The following PEAK1 variants were observed in gnomAD, a reference collection of about 807,000 sequenced individuals.
PEAK1 encodes inactive tyrosine-protein kinase PEAK1.
In PEAK1, 54 loss-of-function variants were observed where a neutral mutation model predicts 124.7. The ratio of observed to expected loss-of-function variants is 0.43; its 90% confidence interval spans 0.35 to 0.54. The LOEUF (loss-of-function observed/expected upper bound fraction) is 0.54, where lower values mean the gene tolerates loss of function less well. Ranked by LOEUF, PEAK1 falls within the 20% of genes least tolerant of loss-of-function variation. The probability of loss-of-function intolerance (pLI) is 0.01; values close to 1 mark genes in which losing one functional copy is unlikely to be tolerated. For synonymous variants in PEAK1, 719 were observed against 760.0 expected (o/e 0.95, Z 0.89); for missense variants, 2,046 against 2,134.5 (o/e 0.96, Z 0.82).
rs923932690 is a variant in PEAK1, at chr15:77,344,812, G to A, written c.-603+20351C>T. 7.2e-5 allele frequency among the ~76,000 whole-genome samples: 11 copies of A among 152,106 alleles called. No homozygotes were observed. The East Asian group carries it at 1.9e-3, about 27-fold the overall frequency. ...CATAAGTGTTTTATTCTTTTTGATAGAATTGTTTTCTTCATTTCGAAACCA... is the reference window on the plus strand; with the variant it reads ...CATAAGTGTTTTATTCTTTTTGATAAAATTGTTTTCTTCATTTCGAAACCA... On this transcript the variant is annotated intron_variant, in intron 2 of 9. Coordinates refer to ENST00000682557, the MANE Select transcript of PEAK1 (RefSeq NM_001385026.1).
At chr15:77,161,791 C>A (rs1013204281) in intron 7 of PEAK1, among the ~76,000 whole-genome samples, 1 of 151,804 alleles carries the variant, frequency 6.6e-6, no homozygotes, top group Non-Finnish European at 1.5e-5. Flanking sequence ...GATGGTGAAA[C>A]CCCGTCTCTA....
chr15:77,217,123 G>A (rs2059181497), intron 6 of PEAK1, among the ~76,000 whole-genome samples: 1 of 150,874 alleles, frequency 6.6e-6, no homozygotes, highest in Non-Finnish European at 1.5e-5. Context: ...TAGCTGCTCA[G>A]GAGGCTGAGG....
chr15:77,411,441 G>A (rs1028465220), intron 1 of PEAK1, among the ~76,000 whole-genome samples: 1 of 152,170 alleles, frequency 6.6e-6, no homozygotes, highest in Non-Finnish European at 1.5e-5. Context: ...CGAAACTAAT[G>A]TTAACATATG....
chr15:77,254,502 G>A (rs969066228), intron 5 of PEAK1, among the ~76,000 whole-genome samples: 8 of 151,970 alleles, frequency 5.3e-5, no homozygotes, highest in African/African-American at 1.2e-4. Flanking sequence ...GCATGATCAC[G>A]GCTCACTGCA....
chr15:77,336,270 C>G (rs528362961), intron 2 of PEAK1: 1 of 985,410 alleles, frequency 1.0e-6, no homozygotes, highest in East Asian at 1.1e-4. Flanking sequence ...TCATTTACAT[C>G]TTGCAGAACT....
At chr15:77,350,150 C>T (rs192443744) in intron 2 of PEAK1, 37 of 985,384 alleles carry the variant, frequency 3.8e-5, no homozygotes, top group Non-Finnish European at 4.0e-5. Flanking sequence ...AAAATGCATG[C>T]ACAAAAGTAA....
intron 5 of PEAK1, among the ~76,000 whole-genome samples, chr15:77,270,061 T>C (rs551377626): frequency 6.6e-6 from 1 of 152,284 alleles, no homozygotes; most frequent in Non-Finnish European, 1.5e-5. Context: ...TCTGTTCTTT[T>C]GAGGAGTGCT....
chr15:77,348,117 A>G (rs1329065421), intron 2 of PEAK1: 2 of 984,880 alleles, frequency 2.0e-6, no homozygotes, highest in African/African-American at 3.5e-5. Context: ...AGAAACAACA[A>G]TGGAGATCAA....
intron 2 of PEAK1, among the ~76,000 whole-genome samples, chr15:77,286,975 T>C (rs532232991): frequency 2.6e-5 from 4 of 152,318 alleles, no homozygotes; most frequent in African/African-American, 9.6e-5. Context: ...AATGTGTACA[T>C]ATGCATCATA....
chr15:77,273,148 C>T (rs1023293419), intron 5 of PEAK1, among the ~76,000 whole-genome samples: 6 of 152,162 alleles, frequency 3.9e-5, no homozygotes, highest in Admixed American at 6.6e-5. Context: ...GACAAGCCCA[C>T]AGCTAACACT....
In PEAK1 at chr15:77,112,256, A is replaced by G. The variant is rs1017804694; in HGVS notation, c.*1900T>C. 7 of 152,270 alleles carry G rather than the reference A, an allele frequency of 4.6e-5. No individual in the cohort carries two copies. The highest frequency in any genetic ancestry group is 1.7e-4 in the African/African-American group (7 of 41,470). The allele number at this position is 152,270 out of a possible 1,614,324, so 9.4% of individuals were successfully genotyped here. The stretch of plus-strand genomic sequence containing the variant: ...ATTACAATCACTTAAAAAAGTAATA[A>G]GAGCACAATAAAATACATTATTTTC... On this transcript the variant is annotated 3_prime_UTR_variant, in exon 10 of 10. Transcript: ENST00000682557.
chr15:77,390,179 C>T (rs1013594200), intron 1 of PEAK1, among the ~76,000 whole-genome samples: 3 of 152,068 alleles, frequency 2.0e-5, no homozygotes, highest in African/African-American at 7.2e-5. Context: ...TATGTGCTGA[C>T]AGTAAGATAC....
intron 2 of PEAK1, among the ~76,000 whole-genome samples, chr15:77,325,445 AT>A (rs1346493473): frequency 2.6e-5 from 4 of 151,316 alleles, no homozygotes; most frequent in African/African-American, 9.7e-5. Context: ...AAATAAATAA[AT>A]AAATAAAATA....
chr15:77,371,858 CG>C (rs1421710086), intron 1 of PEAK1, among the ~76,000 whole-genome samples: 1 of 152,162 alleles, frequency 6.6e-6, no homozygotes, highest in Non-Finnish European at 1.5e-5. Flanking sequence ...CGCTCCAACC[CG>C]GGAGACAGAG....
At chr15:77,420,679 G>T (rs2073295860), upstream of PEAK1, 2 of 389,486 alleles carry the variant, frequency 5.1e-6, no homozygotes, top group Non-Finnish European at 9.0e-6. Context: ...GGCTCACCTT[G>T]CGTAACCACG....
intron 8 of PEAK1, among the ~76,000 whole-genome samples, chr15:77,154,794 A>G (rs1221182069): frequency 6.6e-6 from 1 of 151,854 alleles, no homozygotes; most frequent in Non-Finnish European, 1.5e-5. Flanking sequence ...TCTTTTCTTT[A>G]AGAATGTTGA....
chr15:77,385,776 A>G (rs1444699976), intron 1 of PEAK1, among the ~76,000 whole-genome samples: 5 of 152,200 alleles, frequency 3.3e-5, no homozygotes, highest in African/African-American at 1.2e-4. Context: ...TAAGAGAGGC[A>G]CTTATTTAGA....
intron 2 of PEAK1, among the ~76,000 whole-genome samples, chr15:77,314,779 T>A (rs536656766): frequency 7.2e-5 from 11 of 152,158 alleles, no homozygotes; most frequent in Non-Finnish European, 1.6e-4. Flanking sequence ...ATTAATAGAA[T>A]GATAAATGTA....
At chr15:77,326,323 A>G (rs1031848212) in intron 2 of PEAK1, among the ~76,000 whole-genome samples, 2 of 152,188 alleles carry the variant, frequency 1.3e-5, no homozygotes, top group Admixed American at 1.3e-4. Flanking sequence ...GACAAACCAT[A>G]ATACTTGGTC....
Sources: gnomAD v4.1 joint callset for allele counts (sites outside exome capture counted in the v4.1 genomes callset) on GRCh38, gnomAD v4.1.1 for gene constraint, MANE v1.5 for transcripts, NCBI Gene and HGNC (gene_info 2026-07-23, HGNC 2026-07-21) for gene names.